Variants in TRERF1 observed in about 807,000 individuals in gnomAD.
The protein encoded by TRERF1 is transcriptional-regulating factor 1.
A neutral mutation model predicts 122.9 loss-of-function variants in TRERF1; 27 were observed. That is an observed-to-expected ratio of 0.22 (90% CI 0.16 to 0.30). The LOEUF (loss-of-function observed/expected upper bound fraction) is 0.30. Ranked by LOEUF, TRERF1 falls within the 10% of genes least tolerant of loss-of-function variation. The pLI is 1.00. For missense variants in TRERF1, 1,248 were observed against 1,560.3 expected (o/e 0.80, Z 3.37); for synonymous variants, 636 against 641.7 (o/e 0.99, Z 0.13).
rs146178318 is a variant in TRERF1 at position 42,380,483 on chromosome 6, C to T, written c.-453-17404G>A. On this transcript the variant is annotated intron_variant, in intron 2 of 17. Transcript: ENST00000372922. ...GTGTGTGATGCTGATAAAAACCCTT[C>T]CCTTCTCTGGACCTCCATATTCTCC... 3.4e-3 allele frequency among the ~76,000 whole-genome samples: 515 copies of T among 152,360 alleles called. 3 individuals are homozygous for T. The highest frequency in any genetic ancestry group is 0.028 in the South Asian group (136 of 4,832).
chr6:42,430,351 A>G (rs1258703279), intron 2 of TRERF1, among the ~76,000 whole-genome samples: 2 of 152,180 alleles, frequency 1.3e-5, no homozygotes, highest in Admixed American at 6.5e-5. Context: ...TCCCACACCT[A>G]CTGCCCCCCA....
intron 4 of TRERF1, among the ~76,000 whole-genome samples, chr6:42,288,201 A>C (rs1783604280): frequency 6.6e-6 from 1 of 152,078 alleles, no homozygotes. Flanking sequence ...TCAGTTATAT[A>C]GGGCTTGCAG....
chr6:42,426,788 C>T (rs1783691882), intron 2 of TRERF1, among the ~76,000 whole-genome samples: 1 of 152,104 alleles, frequency 6.6e-6, no homozygotes, highest in South Asian at 2.1e-4. Flanking sequence ...AGAGATACGG[C>T]CCACAAAGTA....
chr6:42,242,183 G>A (rs371377511), intron 15 of TRERF1, among the ~76,000 whole-genome samples: 1 of 152,170 alleles, frequency 6.6e-6, no homozygotes, highest in Non-Finnish European at 1.5e-5. Context: ...GTGTGACTAT[G>A]GCCAATTTGC....
exon 16 of TRERF1, chr6:42,236,301 T>A (rs1772174129): frequency 6.2e-7 from 1 of 1,609,690 alleles, no homozygotes; most frequent in South Asian, 1.1e-5. Context: ...CGGGGACGGG[T>A]GGTGGCTCCG....
chr6:42,234,309 T>C (rs1165182001), intron 16 of TRERF1, among the ~76,000 whole-genome samples: 1 of 151,886 alleles, frequency 6.6e-6, no homozygotes, highest in Non-Finnish European at 1.5e-5. Context: ...GTATTAAGTT[T>C]ATGATCTCTG....
intron 15 of TRERF1, among the ~76,000 whole-genome samples, chr6:42,240,707 G>T (rs1259820653): frequency 1.3e-5 from 2 of 152,138 alleles, no homozygotes; most frequent in Non-Finnish European, 2.9e-5. Flanking sequence ...GGTTCATGGT[G>T]TATTTCCACT....
chr6:42,377,684 C>T (rs1343747635), intron 2 of TRERF1, among the ~76,000 whole-genome samples: 1 of 152,204 alleles, frequency 6.6e-6, no homozygotes, highest in Non-Finnish European at 1.5e-5. Context: ...GGGCACTGTC[C>T]AAACCCTCCC....
intron 2 of TRERF1, among the ~76,000 whole-genome samples, chr6:42,396,104 G>A (rs1436734717): frequency 3.9e-5 from 6 of 152,242 alleles, no homozygotes; most frequent in African/African-American, 9.6e-5. Context: ...TTCCCAGTTC[G>A]TCATCTTCTG....
chr6:42,397,659 C>T (rs1416301296), intron 2 of TRERF1, among the ~76,000 whole-genome samples: 2 of 152,086 alleles, frequency 1.3e-5, no homozygotes, highest in Non-Finnish European at 2.9e-5. Flanking sequence ...CAATAAAAAC[C>T]CCACTCTATT....
rs184094445 is a variant in TRERF1 at position 42,275,672 on chromosome 6, C to T, written c.-258-5824G>A. On this transcript the variant is annotated intron_variant, in intron 4 of 17. Transcript: ENST00000372922. This position sits in a 1 kb window ranked among gnomAD's most constrained non-coding sequence, Gnocchi z 4.1. ...CTTGTTCCCCTCTGCAGGTCCCATG[C>T]CTCTGACATGGACTAAGGGACAGAA... is the stretch of plus-strand genomic sequence containing the variant. Among the ~76,000 whole-genome samples, 59 of 152,328 alleles carry T rather than the reference C, an allele frequency of 3.9e-4. No individual in the cohort carries two copies. The highest frequency in any genetic ancestry group is 1.4e-3 in the African/African-American group (58 of 41,570).
intron 12 of TRERF1, 138 bp from the exon 13 acceptor site, chr6:42,255,064 G>A: frequency 2.7e-6 from 2 of 740,578 alleles, no homozygotes; most frequent in Non-Finnish European, 4.7e-6. Context: ...CCCAGAGGGA[G>A]ACTCCCCTAA....
intron 2 of TRERF1, among the ~76,000 whole-genome samples, chr6:42,395,921 G>A (rs1778504425): frequency 6.6e-6 from 1 of 152,086 alleles, no homozygotes; most frequent in South Asian, 2.1e-4. Context: ...ACTGAGACCT[G>A]TGGATTGACC....
chr6:42,434,668 C>CCACA lies in TRERF1; in HGVS notation c.-454+16505_-454+16508dup, dbSNP rs3075920. 3.2e-3 allele frequency among the ~76,000 whole-genome samples: 365 copies of CCACA among 114,922 alleles called. 2 individuals are homozygous for CCACA. The highest frequency in any genetic ancestry group is 8.8e-3 in the African/African-American group (308 of 34,982). 75.4% of individuals were successfully genotyped at this position (114,922 alleles called of 152,430 possible). A position where few individuals can be genotyped will look rare whatever the true frequency, so the allele number is the denominator to read the frequency against. ...CTGGAACACCAGCAGACACCCTCCACCACACACACACACACACACACACAC... is the reference window on the plus strand; with the variant it reads ...CTGGAACACCAGCAGACACCCTCCACCACACACACACACACACACACACACACAC... On this transcript the variant is annotated intron_variant, in intron 2 of 17. Transcript: ENST00000372922.
chr6:42,412,667 G>A (rs1251873167), intron 2 of TRERF1, among the ~76,000 whole-genome samples: 7 of 152,186 alleles, frequency 4.6e-5, no homozygotes, highest in Admixed American at 2.6e-4. Context: ...GCTCATGCCT[G>A]TAATCCCAGA....
chr6:42,381,692 TC>T (rs1405592986), intron 2 of TRERF1, among the ~76,000 whole-genome samples: 1 of 151,044 alleles, frequency 6.6e-6, no homozygotes, highest in Non-Finnish European at 1.5e-5. Context: ...GCAGGGCCAC[TC>T]CTCCCTCAAC....
At chr6:42,277,651 G>T (rs1781387489) in intron 4 of TRERF1, among the ~76,000 whole-genome samples, 1 of 152,058 alleles carries the variant, frequency 6.6e-6, no homozygotes, top group Admixed American at 6.6e-5. Flanking sequence ...AAGAATTTAA[G>T]ATAACTCTAG....
chr6:42,436,273 G>A (rs1432580224), intron 2 of TRERF1, among the ~76,000 whole-genome samples: 1 of 151,742 alleles, frequency 6.6e-6, no homozygotes, highest in Non-Finnish European at 1.5e-5. Flanking sequence ...GGAGGCTGAG[G>A]CAGGAGAATG....
intron 4 of TRERF1, among the ~76,000 whole-genome samples, chr6:42,281,156 A>G (rs1782238792): frequency 6.6e-6 from 1 of 152,128 alleles, no homozygotes; most frequent in South Asian, 2.1e-4. Flanking sequence ...CAAGGCAGAT[A>G]TCCTGTTGGT....
Sources: gnomAD v4.1 joint callset for allele counts (sites outside exome capture counted in the v4.1 genomes callset) on GRCh38, gnomAD v4.1.1 for gene constraint, Gnocchi (gnomAD v3.1) non-coding constraint, MANE v1.5 for transcripts, NCBI Gene and HGNC (gene_info 2026-07-23, HGNC 2026-07-21) for gene names.